The following ARHGAP42 variants were observed in gnomAD, a reference collection of about 807,000 sequenced individuals.
ARHGAP42 encodes rho GTPase-activating protein 42.
Under a neutral mutation model 125.0 loss-of-function variants are expected in ARHGAP42, and 63 were observed. That is an observed-to-expected ratio of 0.50 (90% CI 0.41 to 0.62). The LOEUF is 0.62. Ranked by LOEUF, ARHGAP42 falls within the 20% of genes least tolerant of loss-of-function variation. ARHGAP42 has a pLI of 0.00. For synonymous variants in ARHGAP42, 339 were observed against 351.0 expected (o/e 0.97, Z 0.38); for missense variants, 766 against 1,024.2 (o/e 0.75, Z 3.44).
intron 8 of ARHGAP42, among the ~76,000 whole-genome samples, chr11:100,940,131 G>A (rs1867837934): frequency 6.6e-6 from 1 of 152,126 alleles, no homozygotes; most frequent in Non-Finnish European, 1.5e-5. Flanking sequence ...TGATTATAAA[G>A]TATATGACTG....
chr11:100,749,084 C>G (rs1862377329), intron 1 of ARHGAP42, among the ~76,000 whole-genome samples: 1 of 152,094 alleles, frequency 6.6e-6, no homozygotes, highest in South Asian at 2.1e-4. Flanking sequence ...CCTCTCCTTC[C>G]CCTTCCCTAG....
intron 3 of ARHGAP42, among the ~76,000 whole-genome samples, chr11:100,817,057 G>A (rs1381943450): frequency 1.3e-5 from 2 of 152,190 alleles, no homozygotes; most frequent in Non-Finnish European, 2.9e-5. Flanking sequence ...CTGTAGGTGG[G>A]GACCTGAAGA....
chr11:100,933,891 A>G (rs1338616737), intron 7 of ARHGAP42, among the ~76,000 whole-genome samples: 1 of 152,046 alleles, frequency 6.6e-6, no homozygotes, highest in Admixed American at 6.5e-5. Flanking sequence ...GGGTTCAAGC[A>G]ATTCTCCTGC....
intron 2 of ARHGAP42, among the ~76,000 whole-genome samples, chr11:100,780,671 G>C (rs776336050): frequency 7.9e-5 from 12 of 152,172 alleles, no homozygotes; most frequent in Admixed American, 1.3e-4. Context: ...GCTTTCTCTT[G>C]CCTCTCTTTT....
chr11:100,887,240 C>G (rs1369877239), intron 4 of ARHGAP42, among the ~76,000 whole-genome samples: 1 of 152,106 alleles, frequency 6.6e-6, no homozygotes, highest in Non-Finnish European at 1.5e-5. Context: ...GACCCAGTAC[C>G]GTGCTGAGTA....
intron 3 of ARHGAP42, among the ~76,000 whole-genome samples, chr11:100,838,240 T>G (rs1435959231): frequency 6.6e-6 from 1 of 152,080 alleles, no homozygotes; most frequent in African/African-American, 2.4e-5. Flanking sequence ...TTCTCATTAC[T>G]GTTGGTGTAA....
chr11:100,730,741 T>C (rs1158692012), intron 1 of ARHGAP42, among the ~76,000 whole-genome samples: 4 of 152,222 alleles, frequency 2.6e-5, no homozygotes, highest in Non-Finnish European at 5.9e-5. Flanking sequence ...ATTTTGTCAT[T>C]GTGTGAACAT....
chr11:100,827,335 C>A (rs1461603355), intron 3 of ARHGAP42, among the ~76,000 whole-genome samples: 1 of 152,114 alleles, frequency 6.6e-6, no homozygotes, highest in African/African-American at 2.4e-5. Flanking sequence ...GTGATGGGAC[C>A]TTCAATGGAA....
At chr11:100,898,413 A>G (rs1866422061) in intron 4 of ARHGAP42, among the ~76,000 whole-genome samples, 1 of 152,186 alleles carries the variant, frequency 6.6e-6, no homozygotes. Context: ...TTCAGAAAGA[A>G]TGGTACCAGC....
intron 22 of ARHGAP42, chr11:100,986,293 A>G (rs1415754816): frequency 8.6e-6 from 3 of 349,258 alleles, no homozygotes; most frequent in Non-Finnish European, 1.7e-5. Context: ...AACCTGAAGT[A>G]CATGGCCATG....
intron 1 of ARHGAP42, among the ~76,000 whole-genome samples, chr11:100,747,840 C>T (rs1191938308): frequency 6.6e-6 from 1 of 151,586 alleles, no homozygotes; most frequent in East Asian, 1.9e-4. Context: ...ACTTTTTTTT[C>T]ACGACTTTCA....
chr11:100,784,322 A>G (rs2135015724), intron 2 of ARHGAP42, among the ~76,000 whole-genome samples: 1 of 152,304 alleles, frequency 6.6e-6, no homozygotes, highest in Admixed American at 6.5e-5. Context: ...AAATCCATTT[A>G]AGGATTTTGA....
At chr11:100,835,016 C>G (rs1473659605) in intron 3 of ARHGAP42, among the ~76,000 whole-genome samples, 4 of 151,908 alleles carry the variant, frequency 2.6e-5, no homozygotes, top group Non-Finnish European at 5.9e-5. Context: ...AACACTTCAT[C>G]TGAGTGAAAT....
At chr11:100,707,017 G>C (rs1861490648) in intron 1 of ARHGAP42, among the ~76,000 whole-genome samples, 1 of 152,110 alleles carries the variant, frequency 6.6e-6, no homozygotes, top group Admixed American at 6.5e-5. Context: ...GTAGCTTCTT[G>C]TGAAGTGCTG....
intron 1 of ARHGAP42, among the ~76,000 whole-genome samples, chr11:100,701,352 CAA>C (rs1861393101): frequency 6.6e-6 from 1 of 152,150 alleles, no homozygotes; most frequent in African/African-American, 2.4e-5. Context: ...TGGCTCCTAA[CAA>C]GAGAGTCAGC....
intron 1 of ARHGAP42, among the ~76,000 whole-genome samples, chr11:100,746,139 C>T (rs1310309792): frequency 6.6e-6 from 1 of 152,190 alleles, no homozygotes; most frequent in Non-Finnish European, 1.5e-5. Flanking sequence ...AATACCATTA[C>T]ACATCTGCTC....
chr11:100,877,802 C>T (rs1002659831), intron 4 of ARHGAP42, among the ~76,000 whole-genome samples: 4 of 151,870 alleles, frequency 2.6e-5, no homozygotes, highest in South Asian at 2.1e-4. Flanking sequence ...GTCAGGAGTT[C>T]GAGACCAATC....
chr11:100,703,213 G>T (rs1861426280), intron 1 of ARHGAP42, among the ~76,000 whole-genome samples: 1 of 152,166 alleles, frequency 6.6e-6, no homozygotes, highest in Non-Finnish European at 1.5e-5. Flanking sequence ...ACATCATCAG[G>T]AGTTAGAGCT....
chr11:100,879,909 C>A (rs1865914918), intron 4 of ARHGAP42, among the ~76,000 whole-genome samples: 1 of 152,248 alleles, frequency 6.6e-6, no homozygotes, highest in East Asian at 1.9e-4. Context: ...GCTGCTTATC[C>A]TGGATTCTTT....
Sources: gnomAD v4.1 joint callset for allele counts (sites outside exome capture counted in the v4.1 genomes callset) on GRCh38, gnomAD v4.1.1 for gene constraint, MANE v1.5 for transcripts, NCBI Gene and HGNC (gene_info 2026-07-23, HGNC 2026-07-21) for gene names.